SSH2: variants seen among roughly 807,000 people sequenced by gnomAD.
SSH2 encodes the protein slingshot protein phosphatase 2, also known as protein phosphatase Slingshot homolog 2.
In SSH2, 37 loss-of-function variants were observed where a neutral mutation model predicts 135.2. The observed-to-expected ratio is 0.27, with a 90% CI of 0.21 to 0.36. The LOEUF (loss-of-function observed/expected upper bound fraction) is 0.36, where lower values mean the gene tolerates loss of function less well. Ranked by LOEUF, SSH2 falls within the 10% of genes least tolerant of loss-of-function variation. The pLI is 1.00. For missense variants in SSH2, 1,408 were observed against 1,765.3 expected (o/e 0.80, Z 3.63); for synonymous variants, 628 against 646.2 (o/e 0.97, Z 0.43).
Position 29,636,723 on chromosome 17 carries a change from C to T in SSH2, c.1507G>A (p.Gly503Arg). The T allele has an allele frequency of 2.5e-6, 4 of 1,613,968 alleles. No homozygotes were observed. Among genetic ancestry groups the T allele is most frequent in the Non-Finnish European group, 3.4e-6 (4 of 1,179,996 alleles). The stretch of plus-strand genomic sequence containing the variant: ...ATATCCTTCTTGTTGAGTTCTAGCC[C>T]AGGTTTGCAGATGGGTTCGTGGTGG... ...SDHHEPICKP[G>R]LELNKKDITT... The change falls in exon 15 of 16, where the codon GGG becomes AGG. Residue 503 changes from glycine to arginine, a missense_variant. Physicochemically the swap from Gly to Arg is moderately radical, Grantham distance 125. Coordinates refer to ENST00000540801, the MANE Select transcript of SSH2 (RefSeq NM_001282129.2).
chr17:29,681,620 T>C (rs1340243547), intron 6 of SSH2, among the ~76,000 whole-genome samples: 1 of 151,596 alleles, frequency 6.6e-6, no homozygotes, highest in African/African-American at 2.4e-5. Context: ...ACTTAAAATA[T>C]GTTACACTTT....
intron 1 of SSH2, among the ~76,000 whole-genome samples, chr17:29,907,072 T>G (rs949158741): frequency 6.6e-6 from 1 of 152,204 alleles, no homozygotes; most frequent in East Asian, 1.9e-4. Flanking sequence ...GTATGTTGAC[T>G]GCAGCACTAT....
intron 12 of SSH2, among the ~76,000 whole-genome samples, 186 bp from the exon 13 acceptor site, chr17:29,650,986 G>T (rs1377706540): frequency 6.6e-6 from 1 of 152,170 alleles, no homozygotes; most frequent in Non-Finnish European, 1.5e-5. Flanking sequence ...CAGGGTTCCT[G>T]GGCATACCTG....
intron 1 of SSH2, among the ~76,000 whole-genome samples, chr17:29,894,329 T>C (rs1229393766): frequency 4.6e-5 from 7 of 151,992 alleles, no homozygotes; most frequent in Admixed American, 4.6e-4. Context: ...GCTTGGGACT[T>C]TCCTTTGCTT....
chr17:29,745,774 A>C (rs576168066), intron 3 of SSH2, among the ~76,000 whole-genome samples: 5 of 152,310 alleles, frequency 3.3e-5, no homozygotes, highest in African/African-American at 9.6e-5. Context: ...AATTTAAGCT[A>C]CCATATCGTA....
chr17:29,646,450 C>G (rs1017332157), intron 14 of SSH2, among the ~76,000 whole-genome samples: 1 of 152,124 alleles, frequency 6.6e-6, no homozygotes, highest in African/African-American at 2.4e-5. Flanking sequence ...AGCTCATTAA[C>G]TATTTTTTCC....
chr17:29,641,613 A>G (rs995222172), intron 14 of SSH2: 1 of 152,328 alleles, frequency 6.6e-6, no homozygotes, highest in Non-Finnish European at 1.5e-5. Flanking sequence ...TTATTTTTAA[A>G]TATTTTTAAG....
intron 3 of SSH2, among the ~76,000 whole-genome samples, chr17:29,754,336 T>C (rs1432895696): frequency 6.6e-6 from 1 of 152,172 alleles, no homozygotes; most frequent in Admixed American, 6.5e-5. Flanking sequence ...AAACCCCTTG[T>C]ACAACTACAA....
In SSH2 at chr17:29,686,142, C is replaced by A. The variant is rs539175224; in HGVS notation, c.358-1458G>T. 7.2e-5 allele frequency among the ~76,000 whole-genome samples: 11 copies of A among 152,096 alleles called. No individual in the cohort carries two copies. The East Asian group carries it at 1.8e-3, about 24-fold the overall frequency. On this transcript the variant is annotated intron_variant, in intron 5 of 15. Transcript: ENST00000540801. The stretch of plus-strand genomic sequence containing the variant: ...GGGTTTACAGGCGTGAGCCACCGCG[C>A]CCAGCCTTGATAAGTTCAAAAAGGT...
chr17:29,910,102 C>A (rs141002405), intron 1 of SSH2, among the ~76,000 whole-genome samples: 2 of 152,222 alleles, frequency 1.3e-5, no homozygotes, highest in Non-Finnish European at 2.9e-5. Context: ...TGTGCCACCA[C>A]AATTGGTTAA....
intron 3 of SSH2, among the ~76,000 whole-genome samples, chr17:29,742,389 G>T (rs561853077): frequency 6.7e-6 from 1 of 148,330 alleles, no homozygotes; most frequent in African/African-American, 2.5e-5. Context: ...CACAATCACA[G>T]CTCACTGAAT....
intron 3 of SSH2, among the ~76,000 whole-genome samples, chr17:29,772,794 A>C (rs2041615183): frequency 6.6e-6 from 1 of 151,226 alleles, no homozygotes; most frequent in African/African-American, 2.4e-5. Context: ...TGGACTTGGG[A>C]CTCCAGGCTC....
At chr17:29,830,129 G>A (rs1318024857) in intron 2 of SSH2, among the ~76,000 whole-genome samples, 2 of 152,016 alleles carry the variant, frequency 1.3e-5, no homozygotes, top group Admixed American at 6.6e-5. Flanking sequence ...GTGAGCCACC[G>A]CACCTAGCCA....
chr17:29,914,917 T>C (rs927485048), intron 1 of SSH2, among the ~76,000 whole-genome samples: 1 of 152,190 alleles, frequency 6.6e-6, no homozygotes, highest in Admixed American at 6.6e-5. Context: ...ATTTGACAAA[T>C]ATATATTTGC....
At chr17:29,807,832 CTTTT>C (rs58284055) in intron 2 of SSH2, among the ~76,000 whole-genome samples, 12 of 94,392 alleles carry the variant, frequency 1.3e-4, no homozygotes, top group South Asian at 8.0e-4. Context: ...GTTTTGATGG[CTTTT>C]TTTTTTTTTT....
intron 1 of SSH2, among the ~76,000 whole-genome samples, chr17:29,861,290 AT>A (rs1181934779): frequency 6.6e-6 from 1 of 152,082 alleles, no homozygotes; most frequent in East Asian, 1.9e-4. Flanking sequence ...GTGTCATAAA[AT>A]CTTTGCCTGT....
intron 3 of SSH2, among the ~76,000 whole-genome samples, chr17:29,742,025 C>T (rs111754694): frequency 0.06 from 8,987 of 150,096 alleles, 512 homozygotes; most frequent in African/African-American, 0.16. Flanking sequence ...ACTTCCGCCT[C>T]CCGGGTTCAA....
chr17:29,640,532 G>A (rs2036112328), intron 14 of SSH2: 1 of 152,118 alleles, frequency 6.6e-6, no homozygotes, highest in Non-Finnish European at 1.5e-5. Flanking sequence ...CTCTTCCTTG[G>A]GGAGAAAATC....
intron 2 of SSH2, among the ~76,000 whole-genome samples, chr17:29,813,708 C>A (rs1257714153): frequency 1.3e-5 from 2 of 151,456 alleles, no homozygotes; most frequent in African/African-American, 2.4e-5. Context: ...ATCCCAGCTA[C>A]TTGGGAGGCT....
Sources: allele counts gnomAD v4.1 joint callset (sites outside exome capture counted in the v4.1 genomes callset), GRCh38; gene constraint gnomAD v4.1.1; transcripts MANE v1.5; gene names NCBI Gene and HGNC (gene_info 2026-07-23, HGNC 2026-07-21).